The following SUPT7L variants were observed in gnomAD, a reference collection of about 807,000 sequenced individuals.
The protein encoded by SUPT7L is SPT7 like, STAGA complex subunit gamma.
A neutral mutation model predicts 35.7 loss-of-function variants in SUPT7L; 15 were observed. That is an observed-to-expected ratio of 0.42 (90% CI 0.28 to 0.65). The LOEUF (loss-of-function observed/expected upper bound fraction) is 0.65, where lower values mean the gene tolerates loss of function less well. SUPT7L is among the 30% of genes least tolerant of loss of function. SUPT7L has a pLI of 0.23. For missense variants in SUPT7L, 434 were observed against 522.2 expected (o/e 0.83, Z 1.65); for synonymous variants, 168 against 186.2 (o/e 0.90, Z 0.79).
At chr2:27,658,887 G>C (rs1037052684) in intron 3 of SUPT7L, among the ~76,000 whole-genome samples, 2 of 152,166 alleles carry the variant, frequency 1.3e-5, no homozygotes, top group Admixed American at 1.3e-4. Flanking sequence ...TCAAAGGAAA[G>C]TAATTTTTTG....
chr2:27,652,390 A>G lies in SUPT7L; in HGVS notation c.*1095T>C, dbSNP rs1674598701. 1 of 152,370 alleles carries G rather than the reference A, an allele frequency of 6.6e-6. No individual in the cohort carries two copies. Among genetic ancestry groups the G allele is most frequent in the Middle Eastern group, 3.2e-3 (1 of 316 alleles). 9.4% of individuals were successfully genotyped at this position (152,370 alleles called of 1,614,324 possible). ...CTAAATTTTACAAGATATATTTTGC[A>G]TCAGAAAATCAAACTTCAGCAGTTT... On this transcript the variant is annotated 3_prime_UTR_variant, in exon 6 of 6. Coordinates refer to ENST00000337768, the MANE Select transcript of SUPT7L (RefSeq NM_014860.3).
chr2:27,662,145 A>G, intron 2 of SUPT7L, 34 bp downstream of exon 2: 1 of 1,614,088 alleles, frequency 6.2e-7, no homozygotes, highest in Non-Finnish European at 8.5e-7. Context: ...TTGGCTTACC[A>G]TTCAACAAAA....
At position 27,661,274 on chromosome 2, in the gene SUPT7L, T is replaced by A; in HGVS notation, c.129A>T (p.Ser43=). Reference sequence around the variant, plus strand: ...TAGTGGGGGGCTTCGGCTTGTTGGCTGAGGGTTGGTGCAGGGGTGGGTCAT... The same window carrying A: ...TAGTGGGGGGCTTCGGCTTGTTGGCAGAGGGTTGGTGCAGGGGTGGGTCAT... ...EVHDPPLHQP[S]ANKPKPPTML... is the part of the protein sequence containing the mutation. Residue 43 remains serine (S), a synonymous_variant, in exon 3 of 6, where the codon TCA becomes TCT. Coordinates refer to ENST00000337768, the MANE Select transcript of SUPT7L (RefSeq NM_014860.3). 1.9e-6 allele frequency: 3 copies of A among 1,613,586 alleles called. No individual in the cohort carries two copies. Among genetic ancestry groups the A allele is most frequent in the Non-Finnish European group, 2.5e-6 (3 of 1,179,680 alleles).
Position 27,651,308 on chromosome 2 carries a change from G to T in SUPT7L, c.*2177C>A, listed in dbSNP as rs1469487690. The T allele has an allele frequency of 1.3e-5, 2 of 152,204 alleles. No individual in the cohort carries two copies. Among genetic ancestry groups the T allele is most frequent in the Non-Finnish European group, 2.9e-5 (2 of 68,038 alleles). 9.4% of individuals were successfully genotyped at this position (152,204 alleles called of 1,614,324 possible). A position where few individuals can be genotyped will look rare whatever the true frequency, so the allele number is the denominator to read the frequency against. ...TATAACCTATGAACTCAGAAACCCT[G>T]GGGGTGGGCTGAGCAGTCTGTTTTA... On this transcript the variant is annotated 3_prime_UTR_variant, in exon 6 of 6. Coordinates refer to ENST00000337768, the MANE Select transcript of SUPT7L (RefSeq NM_014860.3).
chr2:27,650,072 C>T, downstream of SUPT7L: 2 of 1,064,514 alleles, frequency 1.9e-6, no homozygotes, highest in Non-Finnish European at 2.9e-6. Context: ...ATCAGTTTGT[C>T]TAATGAAAGA....
intron 4 of SUPT7L, among the ~76,000 whole-genome samples, chr2:27,655,899 A>G (rs56747714): frequency 0.026 from 3,901 of 152,280 alleles, 151 homozygotes; most frequent in African/African-American, 0.09. Context: ...AAAAATTAAC[A>G]GTAGGCTGGG....
chr2:27,658,772 C>T (rs910603918), intron 3 of SUPT7L, among the ~76,000 whole-genome samples: 7 of 151,916 alleles, frequency 4.6e-5, no homozygotes, highest in African/African-American at 1.7e-4. Flanking sequence ...TTCATCATTT[C>T]CATGGCCAGT....
chr2:27,657,722 C>A lies in SUPT7L; in HGVS notation c.420-53G>T. On this transcript the variant is annotated intron_variant, in intron 3 of 5. Coordinates refer to ENST00000337768, the MANE Select transcript of SUPT7L (RefSeq NM_014860.3). The surrounding 1 kb of genome is among the most constrained non-coding windows in gnomAD (Gnocchi z 5.2). ...TAATGTTCTTGCAAAGGGGTGACCCCTCCTGTCTTCCCCAGGAGTTTTACA... is the reference window on the plus strand; with the variant it reads ...TAATGTTCTTGCAAAGGGGTGACCCATCCTGTCTTCCCCAGGAGTTTTACA... The A allele has an allele frequency of 6.7e-7, 1 of 1,502,266 alleles. No individual in the cohort carries two copies. The highest frequency in any genetic ancestry group is 9.0e-7 in the Non-Finnish European group (1 of 1,115,028). 93.1% of individuals were successfully genotyped at this position (1,502,266 alleles called of 1,614,324 possible). A position where few individuals can be genotyped will look rare whatever the true frequency, so the allele number is the denominator to read the frequency against.
downstream of SUPT7L, among the ~76,000 whole-genome samples, chr2:27,649,352 A>G (rs982422570): frequency 9.9e-5 from 15 of 152,026 alleles, no homozygotes; most frequent in African/African-American, 1.7e-4. Context: ...TGGGTTTTAC[A>G]TGTAAATTGC....
intron 3 of SUPT7L, among the ~76,000 whole-genome samples, chr2:27,658,264 G>C (rs1424010913): frequency 1.3e-5 from 2 of 152,106 alleles, no homozygotes; most frequent in East Asian, 3.9e-4. Flanking sequence ...TTGTGCAATG[G>C]GTAGGGTCTG....
chr2:27,659,417 T>C (rs986467247), intron 3 of SUPT7L, among the ~76,000 whole-genome samples: 1 of 152,208 alleles, frequency 6.6e-6, no homozygotes, highest in Non-Finnish European at 1.5e-5. Flanking sequence ...AATCTGAATC[T>C]AATCTTGAGG....
intron 5 of SUPT7L, 59 bp from the exon 6 acceptor site, chr2:27,653,806 CA>C (rs1393006083): frequency 5.6e-6 from 9 of 1,600,000 alleles, no homozygotes; most frequent in Non-Finnish European, 7.7e-6. Flanking sequence ...AAGTGTAGAA[CA>C]AAGAGTAAAT....
rs371987223 is a variant in SUPT7L, at chr2:27,657,481, C to T, written c.608G>A (p.Arg203Gln). The T allele has an allele frequency of 6.6e-5, 107 of 1,614,142 alleles. 1 individual carries two copies. Among genetic ancestry groups the T allele is most frequent in the Non-Finnish European group, 8.2e-5 (97 of 1,180,062 alleles). ...FTKLLRFAVDREARLGQTPFP... is the reference protein window; with the variant it reads ...FTKLLRFAVDQEARLGQTPFP... ...AGGAGTCTGTCCCAGCCGGGCCTCC[C>T]GGTCCACAGCAAAACGCAGCAACTT... Residue 203 changes from arginine to glutamine, a missense_variant, in exon 4 of 6, where the codon CGG becomes CAG. By Grantham distance (43) the Arg-to-Gln change is conservative. This residue lies in a region of SUPT7L where 198 missense variants were observed against 190.8 expected (regional missense o/e 1.04). Coordinates refer to ENST00000337768, the MANE Select transcript of SUPT7L (RefSeq NM_014860.3). This position sits in a 1 kb window ranked among gnomAD's most constrained non-coding sequence, Gnocchi z 5.2.
At position 27,661,125 on chromosome 2, in the gene SUPT7L, C is replaced by T; in HGVS notation, c.278G>A (p.Gly93Asp). Residue 93 changes from glycine (G) to aspartate (D), a missense_variant, in exon 3 of 6, where the codon GGT becomes GAT. Physicochemically the swap from Gly to Asp is moderately conservative, Grantham distance 94. Coordinates refer to ENST00000337768, the MANE Select transcript of SUPT7L (RefSeq NM_014860.3). ...AQAQNQQQTE[G>D]VKTEESEPLP... ...AGGTTCACTCTCTTCAGTTTTTACA[C>T]CTTCTGTCTGCTGCTGATTCTGGGC... 1.2e-6 allele frequency: 2 copies of T among 1,614,176 alleles called. No individual in the cohort carries two copies. Among genetic ancestry groups the T allele is most frequent in the Non-Finnish European group, 1.7e-6 (2 of 1,180,034 alleles).
the SUPT7L span, among the ~76,000 whole-genome samples, chr2:27,644,030 A>G: frequency 6.6e-6 from 1 of 152,174 alleles, no homozygotes; most frequent in Admixed American, 6.5e-5. Context: ...AATACAAAAA[A>G]TTAGCTGGGC....
chr2:27,661,676 C>T lies in SUPT7L; in HGVS notation c.15-288G>A, dbSNP rs1024481139. The T allele has an allele frequency of 8.0e-6, 10 of 1,252,244 alleles. No individual in the cohort carries two copies. The African/African-American group carries it at 1.4e-4, about 17-fold the overall frequency. The allele number at this position is 1,252,244 out of a possible 1,614,324, so 77.6% of individuals were successfully genotyped here. A position where few individuals can be genotyped will look rare whatever the true frequency, so the allele number is the denominator to read the frequency against. ...CTATGACAATTCCTACTACACTGAA[C>T]CACAGGGTAGAATTTGGGTCATTAG... On this transcript the variant is annotated intron_variant, in intron 2 of 5. Transcript: ENST00000337768.
At chr2:27,647,127 C>T (rs1431889672), downstream of SUPT7L, among the ~76,000 whole-genome samples, 2 of 152,146 alleles carry the variant, frequency 1.3e-5, no homozygotes, top group Non-Finnish European at 2.9e-5. Context: ...CCCACAGGCC[C>T]CTTGAGATTT....
At chr2:27,655,955 T>C (rs13389047) in intron 4 of SUPT7L, among the ~76,000 whole-genome samples, 12,879 of 150,988 alleles carry the variant, frequency 0.085, 1,639 homozygotes, top group African/African-American at 0.28. Flanking sequence ...GAGGCCAAGG[T>C]GGGAGGACAA....
rs1166429389 is a variant in SUPT7L at position 27,657,878 on chromosome 2, T to C, written c.420-209A>G. On this transcript the variant is annotated intron_variant, in intron 3 of 5. Coordinates refer to ENST00000337768, the MANE Select transcript of SUPT7L (RefSeq NM_014860.3). The surrounding 1 kb of genome is among the most constrained non-coding windows in gnomAD (Gnocchi z 5.2). ...ATATCTTTGAGCTCCTCCAAAGACA[T>C]AGTTTGAATAGGCAATACATGTCTA... 5.3e-5 allele frequency among the ~76,000 whole-genome samples: 8 copies of C among 152,194 alleles called. No individual in the cohort carries two copies. The highest frequency in any genetic ancestry group is 8.8e-5 in the Non-Finnish European group (6 of 68,020).
Sources: allele counts gnomAD v4.1 joint callset (sites outside exome capture counted in the v4.1 genomes callset), GRCh38; gene constraint gnomAD v4.1.1; regional missense constraint gnomAD v4.1.1; non-coding constraint Gnocchi (gnomAD v3.1); transcripts MANE v1.5; gene names NCBI Gene and HGNC (gene_info 2026-07-23, HGNC 2026-07-21).